Variants in NRXN1 observed in about 807,000 individuals in gnomAD.
The protein encoded by NRXN1 is neurexin-1.
In NRXN1, 39 loss-of-function variants were observed where a neutral mutation model predicts 150.9. The ratio of observed to expected loss-of-function variants is 0.26; its 90% CI spans 0.20 to 0.34. The LOEUF (loss-of-function observed/expected upper bound fraction) is 0.34, where lower values mean the gene tolerates loss of function less well. Ranked by LOEUF, NRXN1 falls within the 10% of genes least tolerant of loss-of-function variation. The pLI is 1.00. For missense variants in NRXN1, 1,815 were observed against 1,949.9 expected, an observed-to-expected ratio of 0.93 and a Z score of 1.30; for synonymous variants, 924 against 757.0, an observed-to-expected ratio of 1.22 and a Z score of -3.62.
At chr2:50,887,443 G>A (rs147360786) in intron 5 of NRXN1, among the ~76,000 whole-genome samples, 56 of 151,492 alleles carry the variant, frequency 3.7e-4, no homozygotes, top group Non-Finnish European at 6.2e-4. Context: ...GTATTTTCCT[G>A]CTCTAAAAAG....
intron 19 of NRXN1, among the ~76,000 whole-genome samples, chr2:50,060,380 T>A (rs1390087739): frequency 2.6e-5 from 4 of 152,128 alleles, no homozygotes; most frequent in Admixed American, 2.0e-4. Flanking sequence ...CCCCACGGAA[T>A]CTAGGAAGTA....
intron 2 of NRXN1, among the ~76,000 whole-genome samples, chr2:50,932,957 T>G (rs1191083560): frequency 2.0e-5 from 3 of 152,042 alleles, no homozygotes; most frequent in Non-Finnish European, 4.4e-5. Context: ...TTAATACTGC[T>G]TAATTTCCTT....
rs192306674 is a variant in NRXN1 at position 49,957,908 on chromosome 2, G to A, written c.4129-14117C>T. 1.4e-3 allele frequency among the ~76,000 whole-genome samples: 214 copies of A among 152,260 alleles called. 1 individual carries two copies. Among genetic ancestry groups the A allele is most frequent in the Admixed American group, 3.7e-3 (56 of 15,276 alleles). ...TAGTTTCATGTTTGGGTATGGGGCA[G>A]ATAAAAATAACAGCGGGAATAATTT... On this transcript the variant is annotated intron_variant, in intron 21 of 22. Transcript: ENST00000401669.
chr2:50,412,896 C>G (rs2083289649), intron 17 of NRXN1, among the ~76,000 whole-genome samples: 1 of 152,134 alleles, frequency 6.6e-6, no homozygotes, highest in Admixed American at 6.6e-5. Flanking sequence ...AAGAACGAAG[C>G]TAGACCCCAA....
At chr2:50,957,060 A>G (rs905086794) in intron 2 of NRXN1, among the ~76,000 whole-genome samples, 6 of 152,288 alleles carry the variant, frequency 3.9e-5, no homozygotes, top group South Asian at 2.1e-4. Flanking sequence ...AGTTAGCTAA[A>G]ATGTTCTCTA....
intron 21 of NRXN1, among the ~76,000 whole-genome samples, chr2:50,015,312 G>C (rs988401448): frequency 3.3e-5 from 5 of 151,880 alleles, no homozygotes; most frequent in African/African-American, 1.2e-4. Context: ...GCAAGGAAAA[G>C]AATGCTAGGA....
intron 21 of NRXN1, among the ~76,000 whole-genome samples, chr2:49,971,697 A>G (rs1289050187): frequency 6.6e-6 from 1 of 152,192 alleles, no homozygotes; most frequent in Non-Finnish European, 1.5e-5. Context: ...TGAGGAGCAT[A>G]TTGCTGCTTA....
intron 12 of NRXN1, 193 bp from the exon 13 acceptor site, chr2:50,506,810 A>G: frequency 3.5e-6 from 2 of 579,344 alleles, no homozygotes; most frequent in South Asian, 4.7e-5. Flanking sequence ...TTTCAAGCCC[A>G]TTAGAGTCAT....
At chr2:50,313,773 G>A (rs532244565) in intron 17 of NRXN1, among the ~76,000 whole-genome samples, 1 of 152,142 alleles carries the variant, frequency 6.6e-6, no homozygotes, top group South Asian at 2.1e-4. Context: ...TGTCTTTAGG[G>A]AAGAAAAAGT....
At chr2:50,133,661 A>G (rs1287330503) in intron 18 of NRXN1, among the ~76,000 whole-genome samples, 2 of 152,228 alleles carry the variant, frequency 1.3e-5, no homozygotes, top group Non-Finnish European at 2.9e-5. Context: ...AAAAACTTCT[A>G]TGCTTGGCCA....
intron 2 of NRXN1, among the ~76,000 whole-genome samples, chr2:50,980,054 G>C (rs980782015): frequency 6.6e-6 from 1 of 152,092 alleles, no homozygotes; most frequent in Non-Finnish European, 1.5e-5. Flanking sequence ...ACCTAGATTT[G>C]CATATCGTTC....
chr2:50,035,342 C>T (rs1469628880), intron 21 of NRXN1, among the ~76,000 whole-genome samples: 1 of 152,038 alleles, frequency 6.6e-6, no homozygotes, highest in African/African-American at 2.4e-5. Flanking sequence ...AGTCTCATTT[C>T]TCTACCCACT....
chr2:50,711,848 C>T (rs974865993), intron 5 of NRXN1, among the ~76,000 whole-genome samples: 2 of 152,042 alleles, frequency 1.3e-5, no homozygotes, highest in Non-Finnish European at 2.9e-5. Flanking sequence ...GCTCTTCTGC[C>T]ATGTTGAGTA....
intron 18 of NRXN1, among the ~76,000 whole-genome samples, chr2:50,132,263 T>C (rs1051979682): frequency 6.6e-6 from 1 of 151,846 alleles, no homozygotes; most frequent in Non-Finnish European, 1.5e-5. Context: ...ACAGATATGC[T>C]GTGTCATACG....
chr2:50,887,615 T>C (rs1680452510), intron 5 of NRXN1, among the ~76,000 whole-genome samples: 1 of 151,486 alleles, frequency 6.6e-6, no homozygotes, highest in South Asian at 2.1e-4. Flanking sequence ...TGTCTATGAG[T>C]CAAAATGATG....
intron 19 of NRXN1, among the ~76,000 whole-genome samples, chr2:50,080,394 G>C (rs1275506649): frequency 6.6e-6 from 1 of 152,110 alleles, no homozygotes; most frequent in Non-Finnish European, 1.5e-5. Context: ...TACTATCTGT[G>C]ATTTCTGGCA....
intron 18 of NRXN1, among the ~76,000 whole-genome samples, chr2:50,193,618 G>A (rs918609522): frequency 6.6e-6 from 1 of 151,964 alleles, no homozygotes; most frequent in Admixed American, 6.6e-5. Flanking sequence ...GCTTTATTGT[G>A]CCACTAATAT....
At chr2:50,552,153 G>A (rs1185416653) in intron 9 of NRXN1, among the ~76,000 whole-genome samples, 2 of 152,164 alleles carry the variant, frequency 1.3e-5, no homozygotes, top group African/African-American at 4.8e-5. Flanking sequence ...ATCCTAAAGT[G>A]TGACGTGCCA....
chr2:50,329,090 C>G (rs562318379), intron 17 of NRXN1, among the ~76,000 whole-genome samples: 1 of 152,040 alleles, frequency 6.6e-6, no homozygotes, highest in Non-Finnish European at 1.5e-5. Context: ...TATTACATTC[C>G]TAAACATTAA....
Sources: allele counts gnomAD v4.1 joint callset (sites outside exome capture counted in the v4.1 genomes callset), GRCh38; gene constraint gnomAD v4.1.1; transcripts MANE v1.5; gene names NCBI Gene and HGNC (gene_info 2026-07-23, HGNC 2026-07-21).